NBN: variants seen among roughly 807,000 people sequenced by gnomAD.
NBN encodes the protein nibrin, also known as Nijmegen breakage syndrome 1 (nibrin).
A neutral mutation model predicts 90.8 loss-of-function variants in NBN; 88 were observed. The ratio of observed to expected loss-of-function variants is 0.97; its 90% CI spans 0.82 to 1.16. The LOEUF (loss-of-function observed/expected upper bound fraction) is 1.16. Ranked by LOEUF, NBN falls within the 50% of genes most tolerant of loss-of-function variation. The pLI is 0.00. For synonymous variants in NBN, 328 were observed against 295.1 expected, an observed-to-expected ratio of 1.11 and a Z score of -1.14; for missense variants, 894 against 869.6, an observed-to-expected ratio of 1.03 and a Z score of -0.35.
intron 7 of NBN, 78 bp downstream of exon 7, chr8:89,970,286 T>C: frequency 2.4e-6 from 3 of 1,254,728 alleles, no homozygotes; most frequent in Non-Finnish European, 3.4e-6. Context: ...TTTACATTGT[T>C]AGGTGAAAAG....
chr8:89,978,314 C>T lies in NBN; in HGVS notation c.490G>A (p.Ala164Thr), dbSNP rs786201252. The T allele has an allele frequency of 2.5e-6, 4 of 1,585,056 alleles. No individual in the cohort carries two copies. Among genetic ancestry groups the T allele is most frequent in the Non-Finnish European group, 3.5e-6 (4 of 1,153,894 alleles). ...ACAATTGGACGTCCACAAATGAGTG[C>T]ACATATTGTCTACAATGAAGAAAAC... ...SVKVTIKTIC[A>T]LICGRPIVKP... is the part of the protein sequence containing the mutation. Residue 164 changes from alanine (A) to threonine (T), a missense_variant, in exon 5 of 16, where the codon GCA (alanine) becomes ACA (threonine). Ala to Thr is a moderately conservative substitution (Grantham distance 58). Coordinates refer to ENST00000265433, the MANE Select transcript of NBN (RefSeq NM_002485.5).
At chr8:89,983,006 T>A (rs1176573760) in intron 1 of NBN, 151 bp from the exon 2 acceptor site, 3 of 833,536 alleles carry the variant, frequency 3.6e-6, no homozygotes, top group Admixed American at 2.3e-5. Context: ...ACTTTACATA[T>A]GTCAAACTTG....
chr8:89,970,283 T>C (rs1224726729), intron 7 of NBN, 81 bp downstream of exon 7: 1 of 1,238,574 alleles, frequency 8.1e-7, no homozygotes, highest in East Asian at 2.3e-5. Context: ...ACTTTTACAT[T>C]GTTAGGTGAA....
At chr8:89,965,921 TA>T in intron 7 of NBN, among the ~76,000 whole-genome samples, 1 of 152,182 alleles carries the variant, frequency 6.6e-6, no homozygotes, top group Non-Finnish European at 1.5e-5. Context: ...AAATAAAATC[TA>T]AAAAACCTTT....
chr8:89,954,845 GAGA>G, intron 10 of NBN, among the ~76,000 whole-genome samples: 1 of 152,192 alleles, frequency 6.6e-6, no homozygotes, highest in East Asian at 1.9e-4. Flanking sequence ...ACCAGGTCAA[GAGA>G]AGGTTTTCAA....
At chr8:89,973,881 G>C (rs1463717220) in intron 5 of NBN, among the ~76,000 whole-genome samples, 2 of 144,818 alleles carry the variant, frequency 1.4e-5, no homozygotes, top group African/African-American at 5.0e-5. Flanking sequence ...AAAATGTTTT[G>C]GGTTCGTTTA....
intron 8 of NBN, 75 bp downstream of exon 8, chr8:89,964,335 T>C: frequency 3.3e-6 from 5 of 1,501,112 alleles, no homozygotes; most frequent in South Asian, 1.1e-5. Flanking sequence ...AGCAAGTATA[T>C]GAGTAACGTA....
chr8:89,980,413 T>C (rs1233363920), intron 4 of NBN, among the ~76,000 whole-genome samples: 1 of 152,048 alleles, frequency 6.6e-6, no homozygotes, highest in African/African-American at 2.4e-5. Flanking sequence ...TAATCTCTAG[T>C]TGCGTTGCTT....
At chr8:89,984,331 T>C in intron 1 of NBN, 194 bp downstream of exon 1, 1 of 645,890 alleles carries the variant, frequency 1.5e-6, no homozygotes, top group East Asian at 2.8e-5. Context: ...CCGCCCGCGC[T>C]GAATTCCAGC....
chr8:89,975,840 T>C (rs1406780638), intron 5 of NBN, among the ~76,000 whole-genome samples: 1 of 152,206 alleles, frequency 6.6e-6, no homozygotes, highest in Non-Finnish European at 1.5e-5. Flanking sequence ...AAGTATAATC[T>C]AGAATTAAGA....
chr8:89,971,053 A>T, intron 6 of NBN, 120 bp downstream of exon 6: 1 of 1,103,266 alleles, frequency 9.1e-7, no homozygotes, highest in Admixed American at 2.3e-5. Context: ...TTTTTATTCT[A>T]CTTCACACTT....
chr8:89,977,516 A>G (rs1286501504), intron 5 of NBN, among the ~76,000 whole-genome samples: 3 of 152,126 alleles, frequency 2.0e-5, no homozygotes, highest in Non-Finnish European at 4.4e-5. Context: ...GCTGTTGTTA[A>G]TAGTGCTGCA....
Position 89,942,421 on chromosome 8 carries a change from T to A in NBN, c.2184+832A>T, listed in dbSNP as rs146407516. Among the ~76,000 whole-genome samples, 398 of 152,144 alleles carry A rather than the reference T, an allele frequency of 2.6e-3. 2 individuals carry two copies. The highest frequency in any genetic ancestry group is 9.0e-3 in the African/African-American group (373 of 41,514). ...GAGGAAATACATCTGAACTTAATAC[T>A]CAAGAAAACCCTACAGATCGAGTTA... is the stretch of plus-strand genomic sequence containing the variant. On this transcript the variant is annotated intron_variant, in intron 14 of 15. Coordinates refer to ENST00000265433, the MANE Select transcript of NBN (RefSeq NM_002485.5).
intron 4 of NBN, among the ~76,000 whole-genome samples, chr8:89,979,525 T>TTTGTTG (rs13312868): frequency 6.6e-6 from 1 of 151,430 alleles, no homozygotes; most frequent in Non-Finnish European, 1.5e-5. Flanking sequence ...GAACGCTTTT[T>TTTGTTG]TTGTTGTTGT....
At chr8:89,945,080 T>C (rs1420903065) in intron 13 of NBN, among the ~76,000 whole-genome samples, 1 of 152,222 alleles carries the variant, frequency 6.6e-6, no homozygotes, top group Non-Finnish European at 1.5e-5. Flanking sequence ...ACTTCTTCAG[T>C]TGTTAATAAA....
chr8:89,935,752 G>A, intron 15 of NBN, 140 bp from the exon 16 acceptor site: 1 of 977,784 alleles, frequency 1.0e-6, no homozygotes, highest in East Asian at 2.5e-5. Flanking sequence ...CAGATACTAA[G>A]CACTGACATT....
At chr8:89,958,154 G>A (rs1810814859) in intron 9 of NBN, among the ~76,000 whole-genome samples, 1 of 152,150 alleles carries the variant, frequency 6.6e-6, no homozygotes, top group Non-Finnish European at 1.5e-5. Context: ...GATCTGACAG[G>A]AGGTGGAGCT....
chr8:89,981,488 T>C lies in NBN; in HGVS notation c.207A>G (p.Lys69=), dbSNP rs754352569. Residue 69 remains lysine, a synonymous_variant, in exon 3 of 16, where the codon AAA becomes AAG. Transcript: ENST00000265433. ...CAAAGGTACCATACTTAGAATTATC[T>C]TTTAATGTCAATACAGGGATTTCAT... The part of the protein sequence containing the change: ...QTDEIPVLTL[K]DNSKYGTFVN... 1.1e-5 allele frequency: 17 copies of C among 1,613,530 alleles called. No individual in the cohort carries two copies. In the South Asian group the frequency reaches 1.8e-4, roughly 17 times the overall value.
At chr8:89,955,640 A>G in intron 9 of NBN, 85 bp from the exon 10 acceptor site, 1 of 1,386,074 alleles carries the variant, frequency 7.2e-7, no homozygotes, top group East Asian at 2.4e-5. Flanking sequence ...AATAGTTCTA[A>G]CGTAATATAA....
Sources: allele counts gnomAD v4.1 joint callset (sites outside exome capture counted in the v4.1 genomes callset), GRCh38; gene constraint gnomAD v4.1.1; transcripts MANE v1.5; gene names NCBI Gene and HGNC (gene_info 2026-07-23, HGNC 2026-07-21).